The following FNBP1 variants were observed in gnomAD, a reference collection of about 807,000 sequenced individuals.
The protein encoded by FNBP1 is formin binding protein 1.
In FNBP1, 26 loss-of-function variants were observed where a neutral mutation model predicts 90.6. The observed-to-expected ratio is 0.29, with a 90% CI of 0.21 to 0.40. The LOEUF is 0.40. Among genes scored for constraint, FNBP1 ranks in the 10% least tolerant of loss-of-function variants. FNBP1 has a pLI of 1.00. For synonymous variants in FNBP1, 260 were observed against 265.2 expected, an observed-to-expected ratio of 0.98 and a Z score of 0.19; for missense variants, 635 against 768.0, an observed-to-expected ratio of 0.83 and a Z score of 2.05.
rs375393571 is a variant in FNBP1, at chr9:129,991,949, G to A, written c.140+2894C>T. Among the ~76,000 whole-genome samples, 171 of 152,282 alleles carry A rather than the reference G, an allele frequency of 1.1e-3. 1 individual carries two copies. The highest frequency in any genetic ancestry group is 4.0e-3 in the African/African-American group (165 of 41,560). On this transcript the variant is annotated intron_variant, in intron 2 of 16. Transcript: ENST00000446176. ...GCTGGGATTACAGGCATAAGCCACC[G>A]CGCCCAGCCAAGTTTTTAGACATTT...
At chr9:130,032,860 G>T (rs1174270629) in intron 1 of FNBP1, among the ~76,000 whole-genome samples, 1 of 151,942 alleles carries the variant, frequency 6.6e-6, no homozygotes, top group Non-Finnish European at 1.5e-5. Flanking sequence ...GTTTTGGAGT[G>T]GATTTTATTT....
chr9:129,960,119 C>T (rs933524626), intron 4 of FNBP1, among the ~76,000 whole-genome samples: 5 of 151,856 alleles, frequency 3.3e-5, no homozygotes, highest in Non-Finnish European at 5.9e-5. Flanking sequence ...ATGAAAAATG[C>T]GGCCAGGCCA....
Position 129,992,212 on chromosome 9 carries a change from C to G in FNBP1, c.140+2631G>C, listed in dbSNP as rs558477775. Among the ~76,000 whole-genome samples the G allele has an allele frequency of 2.6e-5, 4 of 152,260 alleles. No homozygotes were observed. In the East Asian group the frequency reaches 7.7e-4, roughly 29 times the overall value. On this transcript the variant is annotated intron_variant, in intron 2 of 16. Transcript: ENST00000446176. ...AAGGGAGACTGTCGTGGGAAGAATACCAGTAGCCCGCTTGAGAGCTCGCAC... is the reference window on the plus strand; with the variant it reads ...AAGGGAGACTGTCGTGGGAAGAATAGCAGTAGCCCGCTTGAGAGCTCGCAC...
chr9:129,894,133 T>C (rs1239713169), intron 16 of FNBP1, among the ~76,000 whole-genome samples: 1 of 151,780 alleles, frequency 6.6e-6, no homozygotes, highest in Non-Finnish European at 1.5e-5. Context: ...AATTTCCTAC[T>C]TGAAAGTAGG....
At chr9:129,977,684 G>T (rs1400380471) in intron 4 of FNBP1, among the ~76,000 whole-genome samples, 1 of 151,854 alleles carries the variant, frequency 6.6e-6, no homozygotes, top group Non-Finnish European at 1.5e-5. Flanking sequence ...TAGAGAAGGG[G>T]TTTCACCATG....
chr9:129,909,934 T>C (rs2038930971), intron 11 of FNBP1, among the ~76,000 whole-genome samples: 1 of 152,206 alleles, frequency 6.6e-6, no homozygotes, highest in African/African-American at 2.4e-5. Context: ...TCAGAGAGAA[T>C]GCCCTCCCTG....
intron 1 of FNBP1, among the ~76,000 whole-genome samples, chr9:130,030,218 T>C (rs1194866587): frequency 6.6e-6 from 1 of 152,058 alleles, no homozygotes; most frequent in Non-Finnish European, 1.5e-5. Flanking sequence ...GTGGATCACT[T>C]GAGGTCAGGG....
At position 130,042,381 on chromosome 9, in the gene FNBP1, A is replaced by G. The variant is rs1287291286; in HGVS notation, c.24+571T>C. ...ACCCCGAAAGAACAAGTGCGCCCGG[A>G]GCCGCCACGGGCCAGAAGTCCTCGC... On this transcript the variant is annotated intron_variant, in intron 1 of 16. Transcript: ENST00000446176. This position sits in a 1 kb window ranked among gnomAD's most constrained non-coding sequence, Gnocchi z 5.5. Among the ~76,000 whole-genome samples, 1 of 152,028 alleles carries G rather than the reference A, an allele frequency of 6.6e-6. No homozygotes were observed. The highest frequency in any genetic ancestry group is 1.5e-5 in the Non-Finnish European group (1 of 67,966).
chr9:129,904,726 TTC>T (rs747710536), intron 12 of FNBP1, among the ~76,000 whole-genome samples: 6 of 152,122 alleles, frequency 3.9e-5, no homozygotes, highest in Non-Finnish European at 8.8e-5. Flanking sequence ...CCTTCCTGCC[TTC>T]TTTCCCACAG....
At chr9:129,903,478 A>G (rs1260905461) in intron 12 of FNBP1, among the ~76,000 whole-genome samples, 2 of 152,182 alleles carry the variant, frequency 1.3e-5, no homozygotes. Flanking sequence ...CTCTATAGGA[A>G]TTCTGCTACC....
chr9:129,925,579 T>A (rs913913452), intron 8 of FNBP1, among the ~76,000 whole-genome samples: 4 of 144,912 alleles, frequency 2.8e-5, no homozygotes, highest in Non-Finnish European at 4.5e-5. Flanking sequence ...AATAACTTTT[T>A]TCCTAGTAGC....
intron 6 of FNBP1, among the ~76,000 whole-genome samples, chr9:129,949,965 G>A (rs575194874): frequency 6.6e-6 from 1 of 152,250 alleles, no homozygotes; most frequent in Admixed American, 6.5e-5. Flanking sequence ...TCCCAGTGCT[G>A]TGTGGCTGGC....
Position 129,950,971 on chromosome 9 carries a change from T to G in FNBP1, c.513+6389A>C, listed in dbSNP as rs74427542. ...ATCACGCTCAGCTAATTTTTAATTT[T>G]TTTTTTTTTTTTTTTTTTGAGACTG... On this transcript the variant is annotated intron_variant, in intron 6 of 16. Coordinates refer to ENST00000446176, the MANE Select transcript of FNBP1 (RefSeq NM_015033.3). Among the ~76,000 whole-genome samples, 7 of 2,974 alleles carry G rather than the reference T, an allele frequency of 2.4e-3. No individual in the cohort carries two copies. The East Asian group carries it at 0.078, about 33-fold the overall frequency. The allele number at this position is 2,974 out of a possible 152,430, so 2.0% of individuals were successfully genotyped here. A position where few individuals can be genotyped will look rare whatever the true frequency, so the allele number is the denominator to read the frequency against.
chr9:129,928,387 T>C (rs921371962), intron 7 of FNBP1, among the ~76,000 whole-genome samples: 2 of 152,144 alleles, frequency 1.3e-5, no homozygotes, highest in African/African-American at 2.4e-5. Context: ...AAATAGGCGC[T>C]GTGGCTCACG....
At chr9:130,001,813 C>T (rs960847802) in intron 1 of FNBP1, among the ~76,000 whole-genome samples, 5 of 151,870 alleles carry the variant, frequency 3.3e-5, no homozygotes, top group African/African-American at 1.2e-4. Context: ...CACCTGAGGT[C>T]AGGAGTTCAA....
intron 6 of FNBP1, among the ~76,000 whole-genome samples, chr9:129,950,945 C>T (rs2046061706): frequency 6.8e-6 from 1 of 147,428 alleles, no homozygotes; most frequent in South Asian, 2.2e-4. Context: ...AGGTGCAAAC[C>T]ATCACGCTCA....
At chr9:130,028,929 G>A (rs2058577882) in intron 1 of FNBP1, among the ~76,000 whole-genome samples, 1 of 152,142 alleles carries the variant, frequency 6.6e-6, no homozygotes, top group East Asian at 1.9e-4. Context: ...TATATAACAG[G>A]CATCTTGTAA....
Position 129,889,685 on chromosome 9 carries a change from A to G in FNBP1, c.*854T>C. On this transcript the variant is annotated 3_prime_UTR_variant, in exon 17 of 17. Coordinates refer to ENST00000446176, the MANE Select transcript of FNBP1 (RefSeq NM_015033.3). ...TTTGCAATGAGCTGGTGCAGAGGGG[A>G]GGGCCTCGCTCACAAGCGCATGATC... The G allele has an allele frequency of 4.3e-6, 1 of 230,174 alleles. No homozygotes were observed. The highest frequency in any genetic ancestry group is 8.6e-6 in the Non-Finnish European group (1 of 116,316). The allele number at this position is 230,174 out of a possible 1,614,324, so 14.3% of individuals were successfully genotyped here.
intron 1 of FNBP1, among the ~76,000 whole-genome samples, chr9:130,022,661 C>G (rs78975435): frequency 0.015 from 2,224 of 152,242 alleles, 53 homozygotes; most frequent in African/African-American, 0.047. Flanking sequence ...CAAATACCAA[C>G]ACTCGCTCTT....
Sources: gnomAD v4.1 joint callset for allele counts (sites outside exome capture counted in the v4.1 genomes callset) on GRCh38, gnomAD v4.1.1 for gene constraint, Gnocchi (gnomAD v3.1) non-coding constraint, MANE v1.5 for transcripts, NCBI Gene and HGNC (gene_info 2026-07-23, HGNC 2026-07-21) for gene names.